SLC44A1: variants seen among roughly 807,000 people sequenced by gnomAD.
SLC44A1 encodes solute carrier family 44 member 1, also known as choline transporter-like protein 1.
Under a neutral mutation model 79.3 loss-of-function variants are expected in SLC44A1, and 26 were observed. The ratio of observed to expected loss-of-function variants is 0.33; its 90% CI spans 0.24 to 0.46. SLC44A1 has a LOEUF of 0.46. Among genes scored for constraint, SLC44A1 ranks in the 20% least tolerant of loss-of-function variants. The pLI is 1.00. For synonymous variants in SLC44A1, 263 were observed against 286.2 expected, an observed-to-expected ratio of 0.92 and a Z score of 0.82; for missense variants, 688 against 798.1, an observed-to-expected ratio of 0.86 and a Z score of 1.66.
At chr9:105,381,382 A>C (rs1828458642) in intron 13 of SLC44A1, among the ~76,000 whole-genome samples, 1 of 151,734 alleles carries the variant, frequency 6.6e-6, no homozygotes, top group African/African-American at 2.4e-5. Flanking sequence ...TCTACTAAAA[A>C]ATACAAAAAA....
intron 12 of SLC44A1, among the ~76,000 whole-genome samples, chr9:105,369,969 C>G (rs1371844678): frequency 6.6e-6 from 1 of 152,280 alleles, no homozygotes; most frequent in Non-Finnish European, 1.5e-5. Flanking sequence ...GGTCATCCTT[C>G]ACCTTGCTCC....
In SLC44A1 at chr9:105,415,377, A is replaced by C. The variant is rs80342414; in HGVS notation, c.1951-22904A>C. Among the ~76,000 whole-genome samples, 3 of 152,360 alleles carry C rather than the reference A, an allele frequency of 2.0e-5. No individual in the cohort carries two copies. In the East Asian group the frequency reaches 5.8e-4, roughly 29 times the overall value. On this transcript the variant is annotated intron_variant, in intron 15 of 15. Coordinates refer to the SLC44A1 transcript ENST00000374724. ...CAGAATCTCTGCAGCCAGCAGACAGAAATCTGCATTTTAACAAACCCCAAC... is the reference window on the plus strand; with the variant it reads ...CAGAATCTCTGCAGCCAGCAGACAGCAATCTGCATTTTAACAAACCCCAAC...
chr9:105,349,830 T>G (rs1204856887), intron 5 of SLC44A1, among the ~76,000 whole-genome samples: 1 of 151,384 alleles, frequency 6.6e-6, no homozygotes, highest in Non-Finnish European at 1.5e-5. Context: ...GAGAGGGAGG[T>G]CTCTGCTCCT....
Position 105,259,113 on chromosome 9 carries a change from A to G in SLC44A1, c.36+14209A>G, listed in dbSNP as rs190959797. ...CAGAGTCTGAAAGTGGTGGTTATAA[A>G]CTTCAGACTCTAAGTAAGGACCAAT... is the stretch of plus-strand genomic sequence containing the variant. On this transcript the variant is annotated intron_variant, in intron 1 of 15. Coordinates refer to ENST00000374720, the MANE Select transcript of SLC44A1 (RefSeq NM_080546.5). Among the ~76,000 whole-genome samples, 155 of 152,080 alleles carry G rather than the reference A, an allele frequency of 1.0e-3. 1 individual carries two copies. Among genetic ancestry groups the G allele is most frequent in the Admixed American group, 6.1e-3 (93 of 15,280 alleles).
chr9:105,393,822 TTTTACAACTTAAATGA>T lies in SLC44A1; in HGVS notation c.*4770_*4785del. 7.1e-6 allele frequency: 7 copies of T among 984,992 alleles called. No individual in the cohort carries two copies. Among genetic ancestry groups the T allele is most frequent in the Non-Finnish European group, 8.4e-6 (7 of 829,524 alleles). The allele number at this position is 984,992 out of a possible 1,614,324, so 61.0% of individuals were successfully genotyped here. On this transcript the variant is annotated 3_prime_UTR_variant, in exon 16 of 16. Coordinates refer to ENST00000374720, the MANE Select transcript of SLC44A1 (RefSeq NM_080546.5). ...GCTATTCTTCAGTTTTGATGCTCAG[TTTTACAACTTAAATGA>T]TTTTCTCCAGGACACGGAGCTCAGA...
chr9:105,315,598 A>G (rs930536595), intron 3 of SLC44A1, among the ~76,000 whole-genome samples: 5 of 152,178 alleles, frequency 3.3e-5, no homozygotes, highest in Non-Finnish European at 5.9e-5. Context: ...ATGATTGCCA[A>G]ACTTTCTGGG....
intron 15 of SLC44A1, among the ~76,000 whole-genome samples, chr9:105,433,781 G>C (rs1417990873): frequency 1.3e-5 from 2 of 152,192 alleles, no homozygotes; most frequent in East Asian, 3.9e-4. Flanking sequence ...GGGTTCTCTA[G>C]CTAGAAAGTC....
intron 4 of SLC44A1, among the ~76,000 whole-genome samples, chr9:105,337,645 T>A (rs1026839788): frequency 6.6e-6 from 1 of 152,238 alleles, no homozygotes; most frequent in African/African-American, 2.4e-5. Flanking sequence ...TCTTATGCTA[T>A]CATTCAAAGC....
Position 105,374,699 on chromosome 9 carries a change from C to A in SLC44A1, c.1596C>A (p.Ile532=). ...LVENALRVAT[I]NTVGDFMLFL... is the part of the protein sequence containing the mutation. Reference sequence around the variant, plus strand: ...AGAATGCTTTGCGAGTGGCTACCATCAACACAGTAGGAGATTTTATGTTAT... The same window carrying A: ...AGAATGCTTTGCGAGTGGCTACCATAAACACAGTAGGAGATTTTATGTTAT... Residue 532 remains isoleucine, a synonymous_variant, in exon 13 of 16, where the codon ATC becomes ATA. Coordinates refer to ENST00000374720, the MANE Select transcript of SLC44A1 (RefSeq NM_080546.5). 2 of 1,613,194 alleles carry A rather than the reference C, an allele frequency of 1.2e-6. No homozygotes were observed. Among genetic ancestry groups the A allele is most frequent in the Non-Finnish European group, 1.7e-6 (2 of 1,179,200 alleles).
chr9:105,299,408 C>G (rs934338466), intron 2 of SLC44A1, 99 bp downstream of exon 2: 3 of 693,180 alleles, frequency 4.3e-6, no homozygotes, highest in Non-Finnish European at 4.5e-6. Flanking sequence ...TACCAGTCCT[C>G]ATACAATTCA....
chr9:105,429,976 A>C (rs1422657974), intron 15 of SLC44A1, among the ~76,000 whole-genome samples: 12 of 152,040 alleles, frequency 7.9e-5, no homozygotes. Flanking sequence ...AGCTCACCAC[A>C]GCTTTGACCC....
intron 12 of SLC44A1, among the ~76,000 whole-genome samples, chr9:105,372,647 A>G (rs902865922): frequency 1.5e-4 from 23 of 151,726 alleles, no homozygotes; most frequent in African/African-American, 5.6e-4. Flanking sequence ...CATTACTGAA[A>G]AAAGCTTAAG....
Position 105,393,094 on chromosome 9 carries a change from T to C in SLC44A1, c.*4038T>C, listed in dbSNP as rs1194588474. 2.0e-6 allele frequency: 2 copies of C among 985,360 alleles called. No individual in the cohort carries two copies. Among genetic ancestry groups the C allele is most frequent in the South Asian group, 9.4e-5 (2 of 21,292 alleles). The allele number at this position is 985,360 out of a possible 1,614,324, so 61.0% of individuals were successfully genotyped here. A position where few individuals can be genotyped will look rare whatever the true frequency, so the allele number is the denominator to read the frequency against. ...TGCACTATAATGGCTTGCCTAGAACTGGTAAGAAGTGGTCTGTGAATGTAT... is the reference window on the plus strand; with the variant it reads ...TGCACTATAATGGCTTGCCTAGAACCGGTAAGAAGTGGTCTGTGAATGTAT... On this transcript the variant is annotated 3_prime_UTR_variant, in exon 16 of 16. Coordinates refer to ENST00000374720, the MANE Select transcript of SLC44A1 (RefSeq NM_080546.5).
At chr9:105,360,052 T>C (rs572439795) in intron 7 of SLC44A1, among the ~76,000 whole-genome samples, 4 of 152,232 alleles carry the variant, frequency 2.6e-5, no homozygotes, top group Non-Finnish European at 5.9e-5. Flanking sequence ...GGCCTTACAG[T>C]GTGGTCTGGT....
At chr9:105,418,257 C>T (rs1419337436) in intron 15 of SLC44A1, among the ~76,000 whole-genome samples, 17 of 140,336 alleles carry the variant, frequency 1.2e-4, no homozygotes, top group African/African-American at 2.2e-4. Flanking sequence ...GAGGTTGCAG[C>T]GAGCCGAGAT....
At chr9:105,431,622 T>C (rs1039686183) in intron 15 of SLC44A1, among the ~76,000 whole-genome samples, 5 of 152,078 alleles carry the variant, frequency 3.3e-5, no homozygotes, top group Admixed American at 1.3e-4. Flanking sequence ...CGCCTGAAAA[T>C]AGTTTGTACC....
At chr9:105,275,994 G>A (rs1297317203) in intron 1 of SLC44A1, among the ~76,000 whole-genome samples, 3 of 151,880 alleles carry the variant, frequency 2.0e-5, no homozygotes, top group African/African-American at 4.8e-5. Flanking sequence ...TAGTAGAGAC[G>A]GGGTTTCACC....
At position 105,320,292 on chromosome 9, in the gene SLC44A1, CTTTTTTT is replaced by C. The variant is rs34573916; in HGVS notation, c.269+10441_269+10447del. On this transcript the variant is annotated intron_variant, in intron 3 of 15. Coordinates refer to ENST00000374720, the MANE Select transcript of SLC44A1 (RefSeq NM_080546.5). ...CCATTTGGGTTATTTCAATATTTAACTTTTTTTTTTTTTTTTTTTTTACTATTGTGAG... is the reference window on the plus strand; with the variant it reads ...CCATTTGGGTTATTTCAATATTTAACTTTTTTTTTTTTTTACTATTGTGAG... Among the ~76,000 whole-genome samples the C allele has an allele frequency of 2.5e-5, 3 of 119,086 alleles. No homozygotes were observed. In the Admixed American group the frequency reaches 2.6e-4, roughly 10 times the overall value. 78.1% of individuals were successfully genotyped at this position (119,086 alleles called of 152,430 possible).
chr9:105,395,523 A>G lies in SLC44A1; in HGVS notation c.*6467A>G. 1.0e-5 allele frequency: 10 copies of G among 985,354 alleles called. No homozygotes were observed. The highest frequency in any genetic ancestry group is 1.2e-5 in the Non-Finnish European group (10 of 829,880). The allele number at this position is 985,354 out of a possible 1,614,324, so 61.0% of individuals were successfully genotyped here. A position where few individuals can be genotyped will look rare whatever the true frequency, so the allele number is the denominator to read the frequency against. ...CATGAGCCACCGCGCCCGGCCTAGA[A>G]GAGTTTTAATGAACCTTCCACAGTA... On this transcript the variant is annotated 3_prime_UTR_variant, in exon 16 of 16. Transcript: ENST00000374720.
Sources: allele counts gnomAD v4.1 joint callset (sites outside exome capture counted in the v4.1 genomes callset), GRCh38; gene constraint gnomAD v4.1.1; transcripts MANE v1.5; gene names NCBI Gene and HGNC (gene_info 2026-07-23, HGNC 2026-07-21).